UTY: variants seen among roughly 807,000 people sequenced by gnomAD.
UTY encodes the protein histone demethylase UTY.
Under a neutral mutation model 32.5 loss-of-function variants are expected in UTY, and 12 were observed. That is an observed-to-expected ratio of 0.37 (90% CI 0.24 to 0.60). The LOEUF is 0.60. UTY is among the 20% of genes least tolerant of loss of function. UTY has a pLI of 0.69. For missense variants in UTY, 303 were observed against 299.2 expected (o/e 1.01, Z -0.09); for synonymous variants, 131 against 103.4 (o/e 1.27, Z -1.62).
chrY:13,461,131 T>C (rs2077316656), intron 3 of UTY, among the ~76,000 whole-genome samples: 2 of 27,052 alleles, frequency 7.4e-5, no homozygotes, highest in East Asian at 1.8e-3. Flanking sequence ...ACAGAAGCAA[T>C]TGTCAAAGAA....
chrY:13,251,097 T>C lies in UTY; in HGVS notation c.4228A>G (p.Ser1410Gly), dbSNP rs747459074. The change falls in exon 29 of 30, where the codon AGC becomes GGC. Residue 1410 changes from serine (S) to glycine (G), a missense_variant. Physicochemically the swap from Ser to Gly is moderately conservative, Grantham distance 56 (BLOSUM62 0). Coordinates refer to ENST00000545955, the MANE Select transcript of UTY (RefSeq NM_001258249.2). ...ACCACAAAATTTTCCAAACTTTTGC[T>C]TGTTTTTCGTGCACAATCATGGCAA... The part of the protein sequence containing the change: ...VHCHDCARKT[S>G]KSLENFVVLE... The C allele has an allele frequency of 7.5e-6, 3 of 398,610 alleles. No individual in the cohort carries two copies. The highest frequency in any genetic ancestry group is 1.8e-4 in the East Asian group (2 of 10,847).
At chrY:13,297,534 A>C in intron 27 of UTY, 173 bp downstream of exon 27, 1 of 302,231 alleles carries the variant, frequency 3.3e-6, no homozygotes, top group African/African-American at 7.2e-5. Flanking sequence ...TTTTAATCTT[A>C]TGAGATTTTA....
chrY:13,297,555 G>A, intron 27 of UTY, 152 bp downstream of exon 27: 1 of 325,266 alleles, frequency 3.1e-6, no homozygotes, highest in Non-Finnish European at 4.2e-6. Context: ...TAACACTTAT[G>A]AATATATAAG....
intron 18 of UTY, 81 bp downstream of exon 18, chrY:13,335,482 A>T: frequency 1.9e-5 from 6 of 309,714 alleles, no homozygotes; most frequent in Non-Finnish European, 2.9e-5. Context: ...ACATTTCTTA[A>T]CATATCACAT....
At chrY:13,304,860 A>G in intron 24 of UTY, among the ~76,000 whole-genome samples, 1 of 31,983 alleles carries the variant, frequency 3.1e-5, no homozygotes, top group Non-Finnish European at 7.7e-5. Context: ...AATACCTACA[A>G]AATATCGCCA....
intron 27 of UTY, among the ~76,000 whole-genome samples, chrY:13,261,338 T>C: frequency 3.0e-5 from 1 of 33,128 alleles, no homozygotes. Flanking sequence ...TACCAAATAT[T>C]TGGGGGGAAA....
At chrY:13,234,710 T>A in exon 29 of UTY, 3 of 133,674 alleles carry the variant, frequency 2.2e-5, no homozygotes, top group Non-Finnish European at 4.7e-5. Context: ...AGTGGGTAGC[T>A]CCTTTCTGCA....
chrY:13,306,183 T>C lies in UTY; in HGVS notation c.3341+3A>G. 1 of 395,968 alleles carries C rather than the reference T, an allele frequency of 2.5e-6. No homozygotes were observed. Among genetic ancestry groups the C allele is most frequent in the Non-Finnish European group, 3.6e-6 (1 of 280,907 alleles). On this transcript the variant is annotated splice_donor_region_variant and intron_variant, in intron 22 of 29. Transcript: ENST00000545955. ...TGTTGAGTGGGTGCTAAAAGTTACT[T>C]ACTTCTCTGAAGATGTGGATTCGTT...
chrY:13,252,158 C>T (rs2054270982), intron 28 of UTY, among the ~76,000 whole-genome samples: 1 of 18,688 alleles, frequency 5.4e-5, no homozygotes, highest in African/African-American at 2.2e-4. Flanking sequence ...CCAGCCTGGG[C>T]GACAGAGCGA....
At chrY:13,357,299 C>T in intron 15 of UTY, among the ~76,000 whole-genome samples, 1 of 32,410 alleles carries the variant, frequency 3.1e-5, no homozygotes, top group Non-Finnish European at 7.5e-5. Context: ...ACCTGTAATC[C>T]GAGCACTTTG....
intron 27 of UTY, chrY:13,287,016 C>T: frequency 5.3e-6 from 2 of 378,438 alleles, no homozygotes; most frequent in Admixed American, 7.4e-5. Context: ...GGTCTACACA[C>T]GGAATGCTGA....
At chrY:13,412,328 T>C in intron 5 of UTY, among the ~76,000 whole-genome samples, 2 of 33,259 alleles carry the variant, frequency 6.0e-5, no homozygotes, top group South Asian at 6.6e-4. Context: ...AAATGGGATA[T>C]AGGATGCTAC....
chrY:13,247,568 G>T, downstream of UTY, among the ~76,000 whole-genome samples: 1 of 32,525 alleles, frequency 3.1e-5, no homozygotes, highest in Non-Finnish European at 7.5e-5. Context: ...ATGCACACCT[G>T]TAGTCCCAGC....
intron 8 of UTY, among the ~76,000 whole-genome samples, chrY:13,380,940 A>G (rs975849015): frequency 5.4e-4 from 18 of 33,611 alleles, no homozygotes; most frequent in African/African-American, 2.1e-3. Context: ...AAGAATGCTA[A>G]AACAAATTAT....
chrY:13,459,409 G>A (rs1051784316), intron 3 of UTY, among the ~76,000 whole-genome samples: 19 of 32,663 alleles, frequency 5.8e-4, no homozygotes, highest in Admixed American at 5.3e-3. Context: ...CAGTCCCTGG[G>A]ATCTTATCAT....
At chrY:13,274,045 G>A in intron 27 of UTY, among the ~76,000 whole-genome samples, 1 of 30,590 alleles carries the variant, frequency 3.3e-5, no homozygotes, top group Non-Finnish European at 7.8e-5. Context: ...TAAAAAAATA[G>A]GGAACATTCT....
At chrY:13,375,805 G>C in intron 8 of UTY, among the ~76,000 whole-genome samples, 1 of 33,727 alleles carries the variant, frequency 3.0e-5, no homozygotes, top group East Asian at 7.6e-4. Context: ...TGTTAGGAAA[G>C]AGACTTTCAA....
chrY:13,307,374 T>C, intron 21 of UTY, among the ~76,000 whole-genome samples: 1 of 32,830 alleles, frequency 3.0e-5, no homozygotes, highest in Non-Finnish European at 7.5e-5. Flanking sequence ...GGACTGGAAA[T>C]CCACATGTAA....
chrY:13,435,362 A>G, intron 4 of UTY, among the ~76,000 whole-genome samples: 1 of 32,236 alleles, frequency 3.1e-5, no homozygotes, highest in African/African-American at 1.2e-4. Flanking sequence ...CTGCCTCCAG[A>G]CCCCCCGCAC....
Sources: gnomAD v4.1 joint callset for allele counts (sites outside exome capture counted in the v4.1 genomes callset) on GRCh38, gnomAD v4.1.1 for gene constraint, MANE v1.5 for transcripts, NCBI Gene and HGNC (gene_info 2026-07-23, HGNC 2026-07-21) for gene names.